Variants in MCOLN2 observed in about 807,000 individuals in gnomAD.
The protein encoded by MCOLN2 is mucolipin-2.
MCOLN2 carries 57 observed loss-of-function variants against 67.5 expected under a neutral mutation model. The observed-to-expected ratio is 0.84, with a 90% CI of 0.68 to 1.05. The LOEUF is 1.05. Among genes scored for constraint, MCOLN2 ranks in the 50% least tolerant of loss-of-function variants. The pLI is 0.00. For synonymous variants in MCOLN2, 246 were observed against 233.3 expected (o/e 1.05, Z -0.50); for missense variants, 620 against 678.8 (o/e 0.91, Z 0.96).
chr1:84,933,217 G>A (rs1006074346), intron 11 of MCOLN2, among the ~76,000 whole-genome samples: 4 of 152,072 alleles, frequency 2.6e-5, no homozygotes, highest in Non-Finnish European at 4.4e-5. Context: ...ACTCCGTATC[G>A]GTAAGAATCA....
intron 7 of MCOLN2, among the ~76,000 whole-genome samples, chr1:84,943,487 C>A (rs1647910193): frequency 6.6e-6 from 1 of 152,042 alleles, no homozygotes; most frequent in South Asian, 2.1e-4. Context: ...AGAGGAGAAG[C>A]AAACAGAACC....
chr1:84,977,107 A>G (rs1264916286), intron 1 of MCOLN2, among the ~76,000 whole-genome samples: 1 of 149,388 alleles, frequency 6.7e-6, no homozygotes, highest in African/African-American at 2.5e-5. Flanking sequence ...AGACGATGTT[A>G]AGGCATAGAG....
chr1:84,974,811 T>C (rs1179630080), intron 1 of MCOLN2, among the ~76,000 whole-genome samples: 1 of 152,100 alleles, frequency 6.6e-6, no homozygotes, highest in East Asian at 1.9e-4. Flanking sequence ...CCCACTGCCC[T>C]GAAGGATGAG....
intron 7 of MCOLN2, among the ~76,000 whole-genome samples, chr1:84,943,998 C>T (rs367870736): frequency 6.6e-6 from 1 of 152,128 alleles, no homozygotes; most frequent in South Asian, 2.1e-4. Context: ...ACAGAGGCAG[C>T]TCTTGGGAAG....
At position 84,987,290 on chromosome 1, in the gene MCOLN2, T is replaced by C. The variant is rs1408437508; in HGVS notation, c.77+9506A>G. Among the ~76,000 whole-genome samples the C allele has an allele frequency of 7.6e-5, 11 of 145,232 alleles. No homozygotes were observed. The Admixed American group carries it at 7.7e-4, about 10-fold the overall frequency. ...ATGTATATATATATCTATATACATATGCCATGTAGATACATATACATCTAT... is the reference window on the plus strand; with the variant it reads ...ATGTATATATATATCTATATACATACGCCATGTAGATACATATACATCTAT... On this transcript the variant is annotated intron_variant, in intron 1 of 13. Coordinates refer to ENST00000370608, the MANE Select transcript of MCOLN2 (RefSeq NM_153259.4).
At chr1:84,947,518 A>G (rs79551022) in intron 6 of MCOLN2, among the ~76,000 whole-genome samples, 6,430 of 152,176 alleles carry the variant, frequency 0.042, 477 homozygotes, top group African/African-American at 0.15. Context: ...GAGCCAGGGG[A>G]ATCTCTTTGG....
At chr1:84,955,168 A>C (rs1648719062) in intron 4 of MCOLN2, among the ~76,000 whole-genome samples, 1 of 152,142 alleles carries the variant, frequency 6.6e-6, no homozygotes. Context: ...CCATGTAAAG[A>C]AGGATGTGTT....
Position 84,926,672 on chromosome 1 carries a change from C to T in MCOLN2, c.*13G>A, listed in dbSNP as rs1661174529. On this transcript the variant is annotated 3_prime_UTR_variant, in exon 14 of 14. Transcript: ENST00000370608. ...ATAAGGATGCCTGAACTTTAATCAT[C>T]TTTAGCAGAACTTTAGCTAATAGGT... 1 of 1,584,256 alleles carries T rather than the reference C, an allele frequency of 6.3e-7. No individual in the cohort carries two copies. The highest frequency in any genetic ancestry group is 8.6e-7 in the Non-Finnish European group (1 of 1,161,336).
In MCOLN2 at chr1:84,958,591, A is replaced by G. The variant is rs759034403; in HGVS notation, c.349T>C (p.Tyr117His). The change falls in exon 3 of 14, where the codon TAC becomes CAC. Residue 117 changes from tyrosine (Y) to histidine (H), a missense_variant. Transcript: ENST00000370608. ...TCTTGAGTATATACACTGCAGCTGT[A>G]GTCATCTTCATCTGTACCAGAATAT... is the stretch of plus-strand genomic sequence containing the variant. ...KGYSGTDEDD[Y>H]SCSVYTQEDA... 6.2e-7 allele frequency: 1 copy of G among 1,611,442 alleles called. No individual in the cohort carries two copies. Among genetic ancestry groups the G allele is most frequent in the Non-Finnish European group, 8.5e-7 (1 of 1,179,422 alleles).
intron 7 of MCOLN2, among the ~76,000 whole-genome samples, chr1:84,943,755 G>C (rs960899051): frequency 6.6e-6 from 1 of 152,170 alleles, no homozygotes; most frequent in African/African-American, 2.4e-5. Context: ...CTACAAAATG[G>C]GGAGGGCAAG....
At chr1:84,936,642 A>C (rs1260211592) in intron 11 of MCOLN2, among the ~76,000 whole-genome samples, 1 of 152,222 alleles carries the variant, frequency 6.6e-6, no homozygotes, top group Admixed American at 6.5e-5. Flanking sequence ...TATCTCAAAT[A>C]GGAAAAACAG....
At chr1:84,951,497 A>G (rs1394242677) in intron 6 of MCOLN2, among the ~76,000 whole-genome samples, 3 of 152,234 alleles carry the variant, frequency 2.0e-5, no homozygotes, top group Admixed American at 6.5e-5. Flanking sequence ...TAAAAAGAGA[A>G]ACAACTGCTC....
At chr1:84,927,192 T>G (rs112688504) in intron 13 of MCOLN2, among the ~76,000 whole-genome samples, 2,451 of 139,794 alleles carry the variant, frequency 0.018, 75 homozygotes, top group African/African-American at 0.058. Flanking sequence ...ATCCCAGAAT[T>G]TAAAGTAAAA....
chr1:84,929,622 T>C lies in MCOLN2; in HGVS notation c.1600A>G (p.Ser534Gly). ...TDLQEFLKEC[S>G]SKEEYQKESS... ...TCTTTCTGATACTCTTCTTTGCTAC[T>C]GCATTCCTTCAGGAATTCCTGCAAA... is the stretch of plus-strand genomic sequence containing the variant. Residue 534 changes from serine (S) to glycine (G), a missense_variant, in exon 13 of 14, where the codon AGT (serine) becomes GGT (glycine). Ser to Gly is a moderately conservative substitution (Grantham distance 56, BLOSUM62 0). Transcript: ENST00000370608. 6.2e-7 allele frequency: 1 copy of C among 1,613,942 alleles called. No homozygotes were observed. Among genetic ancestry groups the C allele is most frequent in the Non-Finnish European group, 8.5e-7 (1 of 1,179,864 alleles).
In MCOLN2 at chr1:84,947,084, C is replaced by T. The variant is rs772084919; in HGVS notation, c.796G>A (p.Asp266Asn). 6.9e-6 allele frequency: 11 copies of T among 1,604,550 alleles called. No individual in the cohort carries two copies. The highest frequency in any genetic ancestry group is 9.4e-6 in the Non-Finnish European group (11 of 1,171,870). The change falls in exon 7 of 14, where the codon GAC (aspartate) becomes AAC (asparagine). Residue 266 changes from aspartate to asparagine, a missense_variant. Physicochemically the swap from Asp to Asn is conservative, Grantham distance 23. Transcript: ENST00000370608. ...CATTCTTCAATTTTGGCATCACTGT[C>T]AAAATAGATTTTGATTTTGCCACTG... ...AHSGKIKIYFDSDAKIEECKD... is the reference protein window; with the variant it reads ...AHSGKIKIYFNSDAKIEECKD...
At chr1:84,987,623 C>CATACATATGTAG (rs1650671991) in intron 1 of MCOLN2, among the ~76,000 whole-genome samples, 1 of 95,212 alleles carries the variant, frequency 1.1e-5, no homozygotes, top group South Asian at 3.4e-4. Context: ...TCTATATATA[C>CATACATATGTAG]ATATGTATAT....
intron 1 of MCOLN2, among the ~76,000 whole-genome samples, chr1:84,988,555 A>T (rs1329764503): frequency 6.6e-6 from 1 of 152,068 alleles, no homozygotes; most frequent in African/African-American, 2.4e-5. Flanking sequence ...CTCACATTCA[A>T]TTTATCAAGT....
chr1:84,964,786 T>C (rs1571004411), intron 2 of MCOLN2, among the ~76,000 whole-genome samples: 1 of 152,066 alleles, frequency 6.6e-6, no homozygotes, highest in African/African-American at 2.4e-5. Flanking sequence ...CAGTTAACAA[T>C]TGGGTTTGCG....
intron 1 of MCOLN2, among the ~76,000 whole-genome samples, chr1:84,985,829 G>C (rs1571041860): frequency 6.6e-6 from 1 of 152,156 alleles, no homozygotes; most frequent in African/African-American, 2.4e-5. Context: ...CACGCTCATG[G>C]ATGGGTAGAA....
Sources: gnomAD v4.1 joint callset for allele counts (sites outside exome capture counted in the v4.1 genomes callset) on GRCh38, gnomAD v4.1.1 for gene constraint, MANE v1.5 for transcripts, NCBI Gene and HGNC (gene_info 2026-07-23, HGNC 2026-07-21) for gene names.